CLDN14: variants seen among roughly 807,000 people sequenced by gnomAD.
CLDN14 encodes claudin-14.
A neutral mutation model predicts 2.1 loss-of-function variants in CLDN14; 2 were observed. That is an observed-to-expected ratio of 0.96 (90% CI 0.39 to 3.01). CLDN14 has a LOEUF of 3.01. CLDN14 is among the 30% of genes most tolerant of loss of function. The pLI is 0.09. For synonymous variants in CLDN14, 136 were observed against 154.4 expected (o/e 0.88, Z 0.88); for missense variants, 298 against 328.0 (o/e 0.91, Z 0.71).
chr21:36,486,848 T>C (rs1342724167), intron 2 of CLDN14: 2 of 729,330 alleles, frequency 2.7e-6, no homozygotes, highest in Non-Finnish European at 5.1e-6. Flanking sequence ...TAGAAGGTGA[T>C]CTTGCCCTTG....
chr21:36,486,196 G>A (rs757985305), intron 2 of CLDN14: 1 of 1,005,394 alleles, frequency 9.9e-7, no homozygotes, highest in Non-Finnish European at 1.6e-6. Context: ...TGGCATCAAT[G>A]TCTACTGATT....
chr21:36,509,838 C>G (rs1038034472), intron 2 of CLDN14, among the ~76,000 whole-genome samples: 1 of 152,110 alleles, frequency 6.6e-6, no homozygotes, highest in Non-Finnish European at 1.5e-5. Flanking sequence ...TCGTAATCCG[C>G]CCACCTCAGC....
intron 1 of CLDN14, among the ~76,000 whole-genome samples, chr21:36,556,127 C>T (rs2087597806): frequency 6.6e-6 from 1 of 152,098 alleles, no homozygotes; most frequent in Non-Finnish European, 1.5e-5. Context: ...CCACAGCTCA[C>T]CTCGGGGACC....
chr21:36,484,943 C>T (rs1455320707), upstream of CLDN14, among the ~76,000 whole-genome samples: 1 of 151,778 alleles, frequency 6.6e-6, no homozygotes, highest in African/African-American at 2.4e-5. Context: ...AACTCCTGAT[C>T]TCAGGTGATC....
At chr21:36,529,445 C>T (rs563809316) in intron 1 of CLDN14, among the ~76,000 whole-genome samples, 20 of 152,214 alleles carry the variant, frequency 1.3e-4, no homozygotes, top group African/African-American at 3.4e-4. Flanking sequence ...CCCACCACTA[C>T]GCACAGCTAA....
chr21:36,464,131 G>A (rs2086615124), intron 1 of CLDN14, among the ~76,000 whole-genome samples: 2 of 152,202 alleles, frequency 1.3e-5, no homozygotes, highest in African/African-American at 4.8e-5. Context: ...GAGTTCTCAC[G>A]AGATCTGGTT....
chr21:36,574,025 C>T (rs1004563391), intron 1 of CLDN14, among the ~76,000 whole-genome samples: 1 of 152,016 alleles, frequency 6.6e-6, no homozygotes, highest in African/African-American at 2.4e-5. Flanking sequence ...TAAATTACAG[C>T]AAGTTTCTTT....
chr21:36,487,274 C>A, intron 2 of CLDN14: 1 of 215,272 alleles, frequency 4.6e-6, no homozygotes, highest in Non-Finnish European at 9.4e-6. Context: ...TGAACCACTG[C>A]GCCCGGCCTG....
Position 36,541,467 on chromosome 21 carries a change from T to C in CLDN14, c.-219-30967A>G, listed in dbSNP as rs113865386. Among the ~76,000 whole-genome samples the C allele has an allele frequency of 4.3e-3, 653 of 152,050 alleles. 10 individuals carry two copies. Among genetic ancestry groups the C allele is most frequent in the African/African-American group, 0.015 (618 of 41,466 alleles). The stretch of plus-strand genomic sequence containing the variant: ...ACAAGCAAAAAACCTTAACTCTGAG[T>C]TCCCCAGGAACCAAAGCAAAAAGGG... On this transcript the variant is annotated intron_variant, in intron 1 of 2. Transcript: ENST00000342108.
intron 1 of CLDN14, among the ~76,000 whole-genome samples, chr21:36,561,030 G>A (rs1258650988): frequency 6.6e-6 from 1 of 152,152 alleles, no homozygotes; most frequent in Non-Finnish European, 1.5e-5. Flanking sequence ...TTTATGATTG[G>A]TTTCAATAAG....
At position 36,571,006 on chromosome 21, in the gene CLDN14, T is replaced by G. The variant is rs1298545931; in HGVS notation, c.-220+5405A>C. 2.6e-5 allele frequency among the ~76,000 whole-genome samples: 4 copies of G among 152,252 alleles called. No individual in the cohort carries two copies. The East Asian group carries it at 7.7e-4, about 29-fold the overall frequency. On this transcript the variant is annotated intron_variant, in intron 1 of 2. Coordinates refer to the CLDN14 transcript ENST00000342108. ...ACAGGCACTCGCCACCACGCCCGGCTGATTTTTGTATTTTTAGTAGAGACA... is the reference window on the plus strand; with the variant it reads ...ACAGGCACTCGCCACCACGCCCGGCGGATTTTTGTATTTTTAGTAGAGACA...
At chr21:36,545,220 C>T (rs145502540) in intron 1 of CLDN14, among the ~76,000 whole-genome samples, 1,935 of 152,266 alleles carry the variant, frequency 0.013, 15 homozygotes, top group Middle Eastern at 0.034. Context: ...TTAAGAAACA[C>T]AAATTCAAAT....
At chr21:36,473,714 C>T (rs889009804) in intron 1 of CLDN14, among the ~76,000 whole-genome samples, 1 of 152,072 alleles carries the variant, frequency 6.6e-6, no homozygotes, top group African/African-American at 2.4e-5. Flanking sequence ...TAGGAGGGAA[C>T]GTTAGATAGA....
chr21:36,571,880 G>A (rs928957650), intron 1 of CLDN14, among the ~76,000 whole-genome samples: 2 of 152,110 alleles, frequency 1.3e-5, no homozygotes, highest in African/African-American at 4.8e-5. Context: ...AAAGGTAAAG[G>A]TCAGCGTATA....
intron 1 of CLDN14, among the ~76,000 whole-genome samples, chr21:36,539,095 C>T (rs564885550): frequency 6.6e-6 from 1 of 152,230 alleles, no homozygotes; most frequent in African/African-American, 2.4e-5. Context: ...TGTTGTAACC[C>T]CCGCCAATTT....
intron 1 of CLDN14, among the ~76,000 whole-genome samples, chr21:36,547,730 C>T (rs2087535623): frequency 3.9e-5 from 6 of 152,126 alleles, no homozygotes; most frequent in African/African-American, 2.4e-5. Flanking sequence ...GGCTGGGAGC[C>T]GCCTGCAGCC....
intron 2 of CLDN14, among the ~76,000 whole-genome samples, chr21:36,488,403 C>T (rs552897539): frequency 6.6e-6 from 1 of 152,204 alleles, no homozygotes; most frequent in African/African-American, 2.4e-5. Context: ...TCCCGAGTAG[C>T]TGGGATTACA....
chr21:36,565,121 T>C (rs1404922074), intron 1 of CLDN14, among the ~76,000 whole-genome samples: 8 of 152,204 alleles, frequency 5.3e-5, no homozygotes, highest in Non-Finnish European at 1.0e-4. Flanking sequence ...TCCTCAATGT[T>C]TTCCTCTGAT....
upstream of CLDN14, among the ~76,000 whole-genome samples, chr21:36,482,174 A>G (rs1016895367): frequency 2.0e-5 from 3 of 152,246 alleles, no homozygotes; most frequent in Non-Finnish European, 4.4e-5. Context: ...TAAAGATTTA[A>G]TAGTAAAACT....
Sources: allele counts gnomAD v4.1 joint callset (sites outside exome capture counted in the v4.1 genomes callset), GRCh38; gene constraint gnomAD v4.1.1; transcripts MANE v1.5; gene names NCBI Gene and HGNC (gene_info 2026-07-23, HGNC 2026-07-21).